Variants in MARCHF8 observed in about 807,000 individuals in gnomAD.
MARCHF8 encodes the protein E3 ubiquitin-protein ligase MARCHF8.
A neutral mutation model predicts 51.6 loss-of-function variants in MARCHF8; 40 were observed. That is an observed-to-expected ratio of 0.77 (90% confidence interval 0.60 to 1.01). The LOEUF (loss-of-function observed/expected upper bound fraction) is 1.01. Among genes scored for constraint, MARCHF8 ranks in the 50% least tolerant of loss-of-function variants. MARCHF8 has a pLI of 0.00. For synonymous variants in MARCHF8, 263 were observed against 280.3 expected, an observed-to-expected ratio of 0.94 and a Z score of 0.62; for missense variants, 685 against 708.6, an observed-to-expected ratio of 0.97 and a Z score of 0.38.
chr10:45,568,431 T>C (rs146368261), intron 1 of MARCHF8, among the ~76,000 whole-genome samples: 83 of 152,160 alleles, frequency 5.5e-4, no homozygotes, highest in African/African-American at 2.0e-3. Context: ...TAAAATACAC[T>C]AACACTAAGC....
At chr10:45,577,484 AAT>A (rs2044503607) in intron 1 of MARCHF8, among the ~76,000 whole-genome samples, 1 of 152,026 alleles carries the variant, frequency 6.6e-6, no homozygotes, top group South Asian at 2.1e-4. Context: ...GCACCTCACA[AAT>A]ATATATATAC....
intron 2 of MARCHF8, among the ~76,000 whole-genome samples, chr10:45,490,388 A>G (rs2043059915): frequency 6.6e-6 from 1 of 152,186 alleles, no homozygotes; most frequent in African/African-American, 2.4e-5. Flanking sequence ...TGTCCTTGTA[A>G]TAAGAGGAGT....
intron 1 of MARCHF8, among the ~76,000 whole-genome samples, chr10:45,558,082 C>A (rs778330140): frequency 6.6e-6 from 1 of 152,182 alleles, no homozygotes; most frequent in Non-Finnish European, 1.5e-5. Context: ...AATAGATGAA[C>A]GCTTAGTCAA....
chr10:45,490,469 A>C (rs528131706), intron 2 of MARCHF8, among the ~76,000 whole-genome samples: 6 of 152,192 alleles, frequency 3.9e-5, no homozygotes, highest in Non-Finnish European at 8.8e-5. Flanking sequence ...CTACAAGCCA[A>C]GGAGAAACCA....
At chr10:45,509,379 T>C (rs1207995067) in intron 2 of MARCHF8, among the ~76,000 whole-genome samples, 1 of 152,256 alleles carries the variant, frequency 6.6e-6, no homozygotes, top group Non-Finnish European at 1.5e-5. Context: ...CATAACTTAG[T>C]AGACTCTGCT....
chr10:45,489,169 C>T (rs997554853), intron 3 of MARCHF8, among the ~76,000 whole-genome samples, 198 bp downstream of exon 3: 1 of 152,030 alleles, frequency 6.6e-6, no homozygotes, highest in Non-Finnish European at 1.5e-5. Flanking sequence ...GAAGTCACTT[C>T]CCCCAACACA....
chr10:45,467,231 T>C (rs897615272), intron 3 of MARCHF8, among the ~76,000 whole-genome samples: 1 of 152,198 alleles, frequency 6.6e-6, no homozygotes, highest in Non-Finnish European at 1.5e-5. Flanking sequence ...AGCCTCCCAA[T>C]GACAGAGAAA....
intron 1 of MARCHF8, among the ~76,000 whole-genome samples, chr10:45,590,790 AAGGC>A (rs1448965104): frequency 2.1e-4 from 32 of 152,344 alleles, no homozygotes; most frequent in African/African-American, 5.3e-4. Context: ...TTGGAAGGCT[AAGGC>A]AGGCAGATCA....
chr10:45,540,422 A>T (rs1173841427), intron 1 of MARCHF8, among the ~76,000 whole-genome samples: 1 of 152,170 alleles, frequency 6.6e-6, no homozygotes, highest in Non-Finnish European at 1.5e-5. Flanking sequence ...TTAATTCAAG[A>T]TGGATTAAAG....
At chr10:45,554,983 G>A (rs1482447443) in intron 1 of MARCHF8, among the ~76,000 whole-genome samples, 2 of 152,030 alleles carry the variant, frequency 1.3e-5, no homozygotes, top group African/African-American at 2.4e-5. Context: ...TGAACCCGGA[G>A]GCAGAGGCTG....
At chr10:45,573,095 T>C (rs2044450207) in intron 1 of MARCHF8, among the ~76,000 whole-genome samples, 1 of 152,150 alleles carries the variant, frequency 6.6e-6, no homozygotes, top group Admixed American at 6.5e-5. Context: ...GCGTTTAGGC[T>C]CTTTTTCATC....
At chr10:45,500,535 C>T (rs922805423) in intron 2 of MARCHF8, among the ~76,000 whole-genome samples, 2 of 152,076 alleles carry the variant, frequency 1.3e-5, no homozygotes, top group Non-Finnish European at 2.9e-5. Flanking sequence ...TTCAGACTTT[C>T]GCCAATGACT....
chr10:45,506,725 T>C (rs2043392563), intron 2 of MARCHF8, among the ~76,000 whole-genome samples: 1 of 152,170 alleles, frequency 6.6e-6, no homozygotes, highest in African/African-American at 2.4e-5. Context: ...AAGAAAGCTT[T>C]TTAATCACCT....
chr10:45,557,561 TA>T (rs1564515622), intron 1 of MARCHF8, among the ~76,000 whole-genome samples: 1 of 152,138 alleles, frequency 6.6e-6, no homozygotes, highest in African/African-American at 2.4e-5. Flanking sequence ...TAACATCAAA[TA>T]GAAAACAACC....
chr10:45,545,787 A>G (rs2044112079), intron 1 of MARCHF8, among the ~76,000 whole-genome samples: 2 of 152,186 alleles, frequency 1.3e-5, no homozygotes, highest in Admixed American at 1.3e-4. Context: ...CTGCACTAGT[A>G]TCACCTCAAA....
intron 2 of MARCHF8, among the ~76,000 whole-genome samples, chr10:45,507,934 T>C (rs1203065051): frequency 1.3e-5 from 2 of 152,212 alleles, no homozygotes; most frequent in Admixed American, 1.3e-4. Context: ...GGATTATTGA[T>C]CTGCCCTTAG....
intron 1 of MARCHF8, among the ~76,000 whole-genome samples, chr10:45,573,117 AC>A (rs1462770975): frequency 1.3e-5 from 2 of 151,922 alleles, no homozygotes; most frequent in Non-Finnish European, 2.9e-5. Context: ...AATATGAAAA[AC>A]CCAGCCCAGT....
chr10:45,469,028 C>T (rs949412606), intron 3 of MARCHF8, among the ~76,000 whole-genome samples: 10 of 152,080 alleles, frequency 6.6e-5, no homozygotes, highest in East Asian at 1.9e-4. Context: ...TGACAGCAAA[C>T]GGCTGGAATC....
intron 2 of MARCHF8, among the ~76,000 whole-genome samples, chr10:45,495,411 T>A (rs569276383): frequency 7.9e-5 from 12 of 152,272 alleles, no homozygotes; most frequent in African/African-American, 2.4e-4. Context: ...TCTGTTTATG[T>A]ATTAAATCTC....
Sources: gnomAD v4.1 joint callset for allele counts (sites outside exome capture counted in the v4.1 genomes callset) on GRCh38, gnomAD v4.1.1 for gene constraint, MANE v1.5 for transcripts, NCBI Gene and HGNC (gene_info 2026-07-23, HGNC 2026-07-21) for gene names.